DENND5A: variants seen among roughly 807,000 people sequenced by gnomAD.
DENND5A encodes DENN domain-containing protein 5A.
A neutral mutation model predicts 140.3 loss-of-function variants in DENND5A; 64 were observed. The ratio of observed to expected loss-of-function variants is 0.46; its 90% CI spans 0.37 to 0.56. The LOEUF is 0.56. Ranked by LOEUF, DENND5A falls within the 20% of genes least tolerant of loss-of-function variation. DENND5A has a pLI of 0.00. For missense variants in DENND5A, 1,292 were observed against 1,593.8 expected (o/e 0.81, Z 3.22); for synonymous variants, 605 against 607.7 (o/e 1.00, Z 0.07).
chr11:9,220,872 G>A (rs1197552504), intron 1 of DENND5A, among the ~76,000 whole-genome samples: 2 of 150,886 alleles, frequency 1.3e-5, no homozygotes, highest in African/African-American at 4.9e-5. Flanking sequence ...CAGCTTGGGC[G>A]ACAAAGCGAG....
chr11:9,253,053 T>C (rs1851799374), intron 1 of DENND5A, among the ~76,000 whole-genome samples: 1 of 152,016 alleles, frequency 6.6e-6, no homozygotes, highest in African/African-American at 2.4e-5. Flanking sequence ...AGTCTCGCCA[T>C]GTTGCCCAGG....
rs540636007 is a variant in DENND5A at position 9,203,192 on chromosome 11, A to C, written c.949+468T>G. Among the ~76,000 whole-genome samples the C allele has an allele frequency of 2.0e-5, 3 of 152,334 alleles. No homozygotes were observed. In the South Asian group the frequency reaches 6.2e-4, roughly 32 times the overall value. The stretch of plus-strand genomic sequence containing the variant: ...TTGTCCAAATATGCTGCTTACACTC[A>C]ACCTCCCATTTATGAAAACAATTCA... On this transcript the variant is annotated intron_variant, in intron 4 of 22. Coordinates refer to ENST00000328194, the MANE Select transcript of DENND5A (RefSeq NM_015213.4).
chr11:9,191,199 C>T (rs763436368), intron 5 of DENND5A, among the ~76,000 whole-genome samples: 2 of 151,884 alleles, frequency 1.3e-5, no homozygotes, highest in Non-Finnish European at 2.9e-5. Flanking sequence ...ACAGAGGGAA[C>T]TTTTGGGTTT....
At chr11:9,228,146 T>A (rs566988282) in intron 1 of DENND5A, among the ~76,000 whole-genome samples, 1 of 149,860 alleles carries the variant, frequency 6.7e-6, no homozygotes, top group South Asian at 2.1e-4. Context: ...ACATTTGGTC[T>A]TAGTCCCTGG....
At position 9,169,836 on chromosome 11, in the gene DENND5A, T is replaced by A; in HGVS notation, c.2151+20A>T. 1 of 1,411,806 alleles carries A rather than the reference T, an allele frequency of 7.1e-7. No homozygotes were observed. Among genetic ancestry groups the A allele is most frequent in the Non-Finnish European group, 1.0e-6 (1 of 995,772 alleles). 87.5% of individuals were successfully genotyped at this position (1,411,806 alleles called of 1,614,324 possible). The stretch of plus-strand genomic sequence containing the variant: ...CAGCATGATAGCAAGGTCATCCTTA[T>A]CATTCTTAAGGTATCTTACCTCCCT... On this transcript the variant is annotated intron_variant, in intron 10 of 22. Coordinates refer to ENST00000328194, the MANE Select transcript of DENND5A (RefSeq NM_015213.4).
chr11:9,155,396 C>T (rs1263861321), intron 12 of DENND5A, among the ~76,000 whole-genome samples: 2 of 152,256 alleles, frequency 1.3e-5, no homozygotes, highest in African/African-American at 2.4e-5. Context: ...TGCAATAACA[C>T]TAAAGAGCCA....
chr11:9,151,640 C>CA lies in DENND5A; in HGVS notation c.2521+717dup, dbSNP rs144204212. On this transcript the variant is annotated intron_variant, in intron 13 of 22. Coordinates refer to ENST00000328194, the MANE Select transcript of DENND5A (RefSeq NM_015213.4). Reference sequence around the variant, plus strand: ...AACAAATGTCTGGCAGAGTGGAGAACAAAGGATGATGTGAAGGGGAGATGC... The same window carrying CA: ...AACAAATGTCTGGCAGAGTGGAGAACAAAAGGATGATGTGAAGGGGAGATGC... Among the ~76,000 whole-genome samples, 1,081 of 152,184 alleles carry CA rather than the reference C, an allele frequency of 7.1e-3. 11 individuals carry two copies. The highest frequency in any genetic ancestry group is 0.025 in the African/African-American group (1,026 of 41,514).
intron 15 of DENND5A, 69 bp from the exon 16 acceptor site, chr11:9,147,220 C>G: frequency 6.5e-7 from 1 of 1,548,888 alleles, no homozygotes; most frequent in African/African-American, 1.4e-5. Flanking sequence ...ATTTTCAGTT[C>G]TGGAAGGAGA....
At chr11:9,235,678 A>G (rs2136261874) in intron 1 of DENND5A, among the ~76,000 whole-genome samples, 1 of 151,866 alleles carries the variant, frequency 6.6e-6, no homozygotes, top group Non-Finnish European at 1.5e-5. Flanking sequence ...AAAAGAAAAA[A>G]AATCACGCTA....
chr11:9,192,868 CTTATTTCTAAT>C lies in DENND5A; in HGVS notation c.1137+615_1137+625del, dbSNP rs1849185497. Among the ~76,000 whole-genome samples the C allele has an allele frequency of 3.9e-5, 6 of 152,290 alleles. No individual in the cohort carries two copies. In the South Asian group the frequency reaches 1.2e-3, roughly 32 times the overall value. On this transcript the variant is annotated intron_variant, in intron 5 of 22. Coordinates refer to ENST00000328194, the MANE Select transcript of DENND5A (RefSeq NM_015213.4). ...TCTAAAAAAATTAAAAATAAAAAAT[CTTATTTCTAAT>C]CATGCTTTAAATCTACTTTAGAATG... is the stretch of plus-strand genomic sequence containing the variant.
At chr11:9,252,051 G>A (rs1236366219) in intron 1 of DENND5A, among the ~76,000 whole-genome samples, 1 of 150,798 alleles carries the variant, frequency 6.6e-6, no homozygotes, top group African/African-American at 2.4e-5. Flanking sequence ...TGTAATCTCA[G>A]CACTTTGGGA....
intron 1 of DENND5A, among the ~76,000 whole-genome samples, chr11:9,255,608 G>A (rs1179625497): frequency 1.3e-5 from 2 of 152,146 alleles, no homozygotes; most frequent in Admixed American, 6.6e-5. Flanking sequence ...GCTCTCGCCT[G>A]TAATCCCAGC....
intron 1 of DENND5A, among the ~76,000 whole-genome samples, chr11:9,237,632 T>C (rs1017606089): frequency 6.6e-6 from 1 of 152,166 alleles, no homozygotes; most frequent in Non-Finnish European, 1.5e-5. Context: ...ATGCCTGTAA[T>C]CCCAGCACTT....
intron 4 of DENND5A, among the ~76,000 whole-genome samples, chr11:9,197,437 T>G (rs896182456): frequency 1.3e-5 from 2 of 150,260 alleles, no homozygotes; most frequent in African/African-American, 4.9e-5. Flanking sequence ...GGCTCACGCC[T>G]GTAATCCCAA....
intron 1 of DENND5A, among the ~76,000 whole-genome samples, chr11:9,231,989 T>A (rs903019062): frequency 1.3e-5 from 2 of 152,130 alleles, no homozygotes. Context: ...AATGGTAATG[T>A]TTCTCTTTCA....
chr11:9,196,860 C>T (rs1329940538), intron 4 of DENND5A, among the ~76,000 whole-genome samples: 1 of 151,966 alleles, frequency 6.6e-6, no homozygotes, highest in African/African-American at 2.4e-5. Context: ...ATCTGTCCTC[C>T]TTGGCCTCTC....
intron 12 of DENND5A, among the ~76,000 whole-genome samples, chr11:9,154,687 T>C (rs1202735328): frequency 3.3e-5 from 5 of 151,262 alleles, no homozygotes; most frequent in African/African-American, 1.2e-4. Context: ...AAACTAAAAT[T>C]AGAAAATACC....
intron 4 of DENND5A, among the ~76,000 whole-genome samples, chr11:9,196,553 T>G (rs1472239404): frequency 1.3e-5 from 2 of 152,206 alleles, no homozygotes; most frequent in African/African-American, 4.8e-5. Flanking sequence ...TCTAATGCTG[T>G]GAATTTCTAC....
chr11:9,163,544 C>T (rs1187968829), intron 11 of DENND5A, among the ~76,000 whole-genome samples: 1 of 152,084 alleles, frequency 6.6e-6, no homozygotes, highest in Non-Finnish European at 1.5e-5. Flanking sequence ...GTGCCTCAAA[C>T]CTGTAATCCC....
Sources: allele counts gnomAD v4.1 joint callset (sites outside exome capture counted in the v4.1 genomes callset), GRCh38; gene constraint gnomAD v4.1.1; transcripts MANE v1.5; gene names NCBI Gene and HGNC (gene_info 2026-07-23, HGNC 2026-07-21).